HFM1: variants seen among roughly 807,000 people sequenced by gnomAD.
HFM1 encodes the protein probable ATP-dependent DNA helicase HFM1.
HFM1 carries 169 observed loss-of-function variants against 192.1 expected under a neutral mutation model. The ratio of observed to expected loss-of-function variants is 0.88; its 90% CI spans 0.78 to 1.00. The LOEUF (loss-of-function observed/expected upper bound fraction) is 1.00. Ranked by LOEUF, HFM1 falls within the 50% of genes least tolerant of loss-of-function variation. The pLI, the probability that HFM1 is intolerant of heterozygous loss-of-function variation, is 0.00. For missense variants in HFM1, 1,661 were observed against 1,668.0 expected, an observed-to-expected ratio of 1.00 and a Z score of 0.07; for synonymous variants, 525 against 537.8, an observed-to-expected ratio of 0.98 and a Z score of 0.33.
chr1:91,353,674 A>G (rs1657299275), intron 13 of HFM1, among the ~76,000 whole-genome samples: 1 of 144,080 alleles, frequency 6.9e-6, no homozygotes, highest in African/African-American at 2.5e-5. Context: ...AAAAAAAAAC[A>G]TGGAAATAAA....
chr1:91,275,687 T>C (rs1171864432), intron 32 of HFM1, among the ~76,000 whole-genome samples: 2 of 152,208 alleles, frequency 1.3e-5, no homozygotes, highest in African/African-American at 2.4e-5. Flanking sequence ...GTAGCGATTC[T>C]ACCTCTGAAA....
intron 8 of HFM1, 73 bp from the exon 9 acceptor site, chr1:91,379,287 A>G (rs779301667): frequency 1.8e-5 from 22 of 1,216,488 alleles, no homozygotes; most frequent in Non-Finnish European, 2.5e-5. Flanking sequence ...TTTGGTTAAT[A>G]AAGTTAGCAT....
At chr1:91,332,439 A>G (rs1252373715) in intron 20 of HFM1, among the ~76,000 whole-genome samples, 2 of 152,210 alleles carry the variant, frequency 1.3e-5, no homozygotes, top group Non-Finnish European at 2.9e-5. Flanking sequence ...CTCTTGATAT[A>G]TATAAAAATC....
chr1:91,380,243 A>T lies in HFM1; in HGVS notation c.874-7T>A. The T allele has an allele frequency of 6.7e-7, 1 of 1,493,994 alleles. No homozygotes were observed. Among genetic ancestry groups the T allele is most frequent in the Non-Finnish European group, 9.0e-7 (1 of 1,111,782 alleles). The allele number at this position is 1,493,994 out of a possible 1,614,324, so 92.5% of individuals were successfully genotyped here. ...TCCTATCTGTGTAAAGAAGCTAAAAAATAAAAAGTAATCAATCATGTAACA... is the reference window on the plus strand; with the variant it reads ...TCCTATCTGTGTAAAGAAGCTAAAATATAAAAAGTAATCAATCATGTAACA... On this transcript the variant is annotated splice_polypyrimidine_tract_variant and splice_region_variant and intron_variant, in intron 7 of 38. Transcript: ENST00000370425.
At chr1:91,369,806 G>GT (rs1171450991) in intron 13 of HFM1, among the ~76,000 whole-genome samples, 1 of 152,100 alleles carries the variant, frequency 6.6e-6, no homozygotes, top group East Asian at 1.9e-4. Context: ...CCAGGAACTG[G>GT]TTTTTTGAGA....
intron 2 of HFM1, among the ~76,000 whole-genome samples, chr1:91,399,753 A>G (rs986247252): frequency 6.6e-6 from 1 of 152,204 alleles, no homozygotes; most frequent in Non-Finnish European, 1.5e-5. Flanking sequence ...CTACCCAAAA[A>G]GCCTGACCTG....
chr1:91,286,121 G>C (rs1667947917), intron 30 of HFM1, among the ~76,000 whole-genome samples: 1 of 152,104 alleles, frequency 6.6e-6, no homozygotes, highest in Non-Finnish European at 1.5e-5. Flanking sequence ...ATAGAGTTCA[G>C]TACTACCCAC....
chr1:91,276,586 G>A (rs369089978), intron 32 of HFM1, 42 bp downstream of exon 32: 50 of 936,984 alleles, frequency 5.3e-5, no homozygotes, highest in African/African-American at 1.0e-4. Flanking sequence ...ATTTATATAC[G>A]TTTAACTACA....
In HFM1 at chr1:91,380,841, C is replaced by A. The variant is rs1661469573; in HGVS notation, c.873+71G>T. On this transcript the variant is annotated intron_variant, in intron 7 of 38. Transcript: ENST00000370425. ...GCAGACATAAAGATCTAGTAAATCC[C>A]AGCTGTCCCAATCTAGTGATCATAA... 5.2e-6 allele frequency: 4 copies of A among 764,058 alleles called. No individual in the cohort carries two copies. The Admixed American group carries it at 8.7e-5, about 17-fold the overall frequency. 47.3% of individuals were successfully genotyped at this position (764,058 alleles called of 1,614,324 possible).
chr1:91,303,617 A>G (rs913160753), intron 30 of HFM1, among the ~76,000 whole-genome samples: 7 of 152,204 alleles, frequency 4.6e-5, no homozygotes, highest in Non-Finnish European at 1.0e-4. Flanking sequence ...ACAATTTTAC[A>G]TTCCCACTAG....
chr1:91,345,164 G>A (rs1335402219), intron 19 of HFM1, among the ~76,000 whole-genome samples: 1 of 152,078 alleles, frequency 6.6e-6, no homozygotes, highest in East Asian at 1.9e-4. Flanking sequence ...CAACATCATA[G>A]AATCATTTTG....
chr1:91,324,410 T>C (rs754022122), intron 21 of HFM1, among the ~76,000 whole-genome samples: 1 of 152,244 alleles, frequency 6.6e-6, no homozygotes, highest in Non-Finnish European at 1.5e-5. Context: ...ATCACCTAAG[T>C]TGTAAAGTAG....
At position 91,396,938 on chromosome 1, in the gene HFM1, G is replaced by C. The variant is rs1663733282; in HGVS notation, c.72-533C>G. Reference sequence around the variant, plus strand: ...CATTACTGCCTGAGCTCTGACTTCTGTCAGATCAGCAACGACATTAGATTC... The same window carrying C: ...CATTACTGCCTGAGCTCTGACTTCTCTCAGATCAGCAACGACATTAGATTC... On this transcript the variant is annotated intron_variant, in intron 2 of 38. Transcript: ENST00000370425. Among the ~76,000 whole-genome samples the C allele has an allele frequency of 3.3e-5, 5 of 152,270 alleles. No individual in the cohort carries two copies. In the South Asian group the frequency reaches 1.0e-3, roughly 32 times the overall value.
intron 30 of HFM1, among the ~76,000 whole-genome samples, chr1:91,310,310 A>G (rs1194935495): frequency 6.6e-6 from 1 of 152,228 alleles, no homozygotes; most frequent in Non-Finnish European, 1.5e-5. Context: ...AGAGAGGTAT[A>G]GATGAAACAG....
chr1:91,359,605 C>T (rs1047855451), intron 13 of HFM1, among the ~76,000 whole-genome samples: 4 of 146,710 alleles, frequency 2.7e-5, no homozygotes, highest in Admixed American at 6.8e-5. Flanking sequence ...ACAAAACCTC[C>T]AAGAAATATG....
At chr1:91,305,065 T>G (rs1259990714) in intron 30 of HFM1, among the ~76,000 whole-genome samples, 3 of 152,196 alleles carry the variant, frequency 2.0e-5, no homozygotes, top group East Asian at 1.9e-4. Context: ...TCTTAATCAC[T>G]GCAGCTTTGT....
intron 13 of HFM1, among the ~76,000 whole-genome samples, chr1:91,364,373 T>C (rs958837319): frequency 1.3e-5 from 2 of 151,604 alleles, no homozygotes; most frequent in African/African-American, 2.4e-5. Context: ...ATTATGGAAA[T>C]AGTATTGAGA....
At chr1:91,282,803 T>G (rs963084167) in intron 30 of HFM1, among the ~76,000 whole-genome samples, 7 of 152,208 alleles carry the variant, frequency 4.6e-5, no homozygotes, top group African/African-American at 1.7e-4. Context: ...GTTGCTGTTT[T>G]AAAATGAAGA....
intron 30 of HFM1, among the ~76,000 whole-genome samples, chr1:91,299,678 A>G (rs536057132): frequency 1.4e-4 from 21 of 152,344 alleles, no homozygotes; most frequent in South Asian, 1.0e-3. Flanking sequence ...CTGCTCCTGA[A>G]TGACTACTGG....
Sources: gnomAD v4.1 joint callset for allele counts (sites outside exome capture counted in the v4.1 genomes callset) on GRCh38, gnomAD v4.1.1 for gene constraint, MANE v1.5 for transcripts, NCBI Gene and HGNC (gene_info 2026-07-23, HGNC 2026-07-21) for gene names.